Variants in CBR4 observed in about 807,000 individuals in gnomAD.
The protein encoded by CBR4 is 3-oxoacyl-[acyl-carrier-protein] reductase.
In CBR4, 22 loss-of-function variants were observed where a neutral mutation model predicts 21.0. The observed-to-expected ratio is 1.05, with a 90% CI of 0.75 to 1.50. The LOEUF (loss-of-function observed/expected upper bound fraction) is 1.50, where lower values mean the gene tolerates loss of function less well. Ranked by LOEUF, CBR4 falls within the 40% of genes most tolerant of loss-of-function variation. The probability of loss-of-function intolerance (pLI) is 0.00; values close to 1 mark genes in which losing one functional copy is unlikely to be tolerated. For missense variants in CBR4, 302 were observed against 286.3 expected (o/e 1.05, Z -0.40); for synonymous variants, 100 against 104.4 (o/e 0.96, Z 0.26).
intron 2 of CBR4, among the ~76,000 whole-genome samples, chr4:168,904,834 T>C (rs1357856899): frequency 2.0e-5 from 3 of 152,156 alleles, no homozygotes; most frequent in Non-Finnish European, 4.4e-5. Flanking sequence ...AACTTTTAAT[T>C]AAAGTTTCTG....
chr4:168,945,726 T>A (rs945861483), intron 2 of CBR4, among the ~76,000 whole-genome samples: 2 of 152,186 alleles, frequency 1.3e-5, no homozygotes, highest in Non-Finnish European at 2.9e-5. Flanking sequence ...AAACAACCAT[T>A]TAAATGGCAC....
At chr4:168,912,452 C>T (rs1759168604) in intron 2 of CBR4, among the ~76,000 whole-genome samples, 1 of 152,096 alleles carries the variant, frequency 6.6e-6, no homozygotes, top group Admixed American at 6.5e-5. Flanking sequence ...CTGCTGGTAA[C>T]AGTGAAAAAA....
At chr4:168,928,173 A>G (rs1762791261) in intron 2 of CBR4, 1 of 188,788 alleles carries the variant, frequency 5.3e-6, no homozygotes, top group South Asian at 2.0e-4. Flanking sequence ...ATGGAATTTA[A>G]GATACCATAC....
chr4:168,938,510 T>C (rs1280873480), intron 2 of CBR4, among the ~76,000 whole-genome samples: 1 of 152,086 alleles, frequency 6.6e-6, no homozygotes, highest in East Asian at 1.9e-4. Context: ...CTTCAAAAAA[T>C]CAATGAATCC....
At chr4:169,004,184 C>T (rs1252052946) in intron 3 of CBR4, among the ~76,000 whole-genome samples, 4 of 152,138 alleles carry the variant, frequency 2.6e-5, no homozygotes, top group Non-Finnish European at 4.4e-5. Flanking sequence ...CAAGACCCTC[C>T]GCCAGCAAAG....
chr4:168,909,019 A>G (rs1471702749), intron 2 of CBR4, among the ~76,000 whole-genome samples: 1 of 152,222 alleles, frequency 6.6e-6, no homozygotes, highest in Non-Finnish European at 1.5e-5. Flanking sequence ...ATCACACTCG[A>G]TGTGTGTAGC....
intron 2 of CBR4, among the ~76,000 whole-genome samples, chr4:168,906,387 G>A (rs1757801568): frequency 6.6e-6 from 1 of 152,132 alleles, no homozygotes; most frequent in Non-Finnish European, 1.5e-5. Flanking sequence ...CAGTGAGGAA[G>A]GACTGACTCA....
At chr4:169,001,286 C>T (rs1730408940) in intron 4 of CBR4, 1 of 151,974 alleles carries the variant, frequency 6.6e-6, no homozygotes, top group African/African-American at 2.4e-5. Context: ...TATTTTTAAG[C>T]TCCCATTAGG....
At chr4:168,905,484 T>A (rs1183704329) in intron 2 of CBR4, among the ~76,000 whole-genome samples, 2 of 151,882 alleles carry the variant, frequency 1.3e-5, no homozygotes, top group Non-Finnish European at 2.9e-5. Flanking sequence ...TAAATAAAGT[T>A]TATTCAAGGT....
At chr4:168,900,652 A>G (rs563996382) in intron 2 of CBR4, among the ~76,000 whole-genome samples, 69 of 152,328 alleles carry the variant, frequency 4.5e-4, no homozygotes, top group Middle Eastern at 3.4e-3. Flanking sequence ...TCGCAACGCC[A>G]AAGTCAAAGA....
At chr4:168,970,682 T>C (rs562521161) in intron 2 of CBR4, among the ~76,000 whole-genome samples, 1 of 148,238 alleles carries the variant, frequency 6.7e-6, no homozygotes, top group East Asian at 2.1e-4. Context: ...ATGTCATTCC[T>C]AATGCCTTTG....
At chr4:168,943,014 G>A (rs1763304276) in intron 2 of CBR4, among the ~76,000 whole-genome samples, 1 of 152,130 alleles carries the variant, frequency 6.6e-6, no homozygotes, top group East Asian at 1.9e-4. Flanking sequence ...ATGCACTGTT[G>A]GTGGGAATGT....
intron 2 of CBR4, chr4:168,926,424 A>G (rs1296544119): frequency 6.9e-7 from 1 of 1,440,818 alleles, no homozygotes; most frequent in Non-Finnish European, 9.4e-7. Flanking sequence ...TGAAACAGCC[A>G]TTGCCTTGAC....
chr4:168,916,098 C>G, intron 2 of CBR4: 1 of 1,417,436 alleles, frequency 7.1e-7, no homozygotes, highest in Non-Finnish European at 9.9e-7. Context: ...TCTATAGTTC[C>G]TTTTGGGGAA....
intron 2 of CBR4, among the ~76,000 whole-genome samples, chr4:168,937,589 T>C (rs554598382): frequency 1.4e-5 from 2 of 147,672 alleles, no homozygotes; most frequent in East Asian, 4.0e-4. Context: ...AAGACACACA[T>C]AGGCTCAAAA....
intron 4 of CBR4, among the ~76,000 whole-genome samples, chr4:169,000,973 T>C (rs571736050): frequency 2.0e-5 from 3 of 151,494 alleles, no homozygotes; most frequent in East Asian, 3.9e-4. Flanking sequence ...TAAAAAGAAT[T>C]TTTTTTTTAA....
intron 2 of CBR4, chr4:168,924,225 T>C: frequency 6.3e-7 from 1 of 1,596,790 alleles, no homozygotes; most frequent in Non-Finnish European, 8.6e-7. Context: ...TGTATATCAT[T>C]GATAGAGAAT....
At chr4:169,007,527 C>A in intron 2 of CBR4, 109 bp downstream of exon 2, 1 of 579,852 alleles carries the variant, frequency 1.7e-6, no homozygotes, top group Non-Finnish European at 2.6e-6. Flanking sequence ...ATAGTTTTTT[C>A]TCCCAGTTAG....
intron 2 of CBR4, among the ~76,000 whole-genome samples, chr4:168,910,781 T>G: frequency 6.6e-6 from 1 of 152,158 alleles, no homozygotes; most frequent in East Asian, 1.9e-4. Context: ...TTAGACTGAT[T>G]CCAGAGCTAC....
Sources: allele counts gnomAD v4.1 joint callset (sites outside exome capture counted in the v4.1 genomes callset), GRCh38; gene constraint gnomAD v4.1.1; transcripts MANE v1.5; gene names NCBI Gene and HGNC (gene_info 2026-07-23, HGNC 2026-07-21).